Variants in CHCHD6 observed in about 807,000 individuals in gnomAD.
CHCHD6 encodes MICOS complex subunit MIC25.
Under a neutral mutation model 32.3 loss-of-function variants are expected in CHCHD6, and 28 were observed. The observed-to-expected ratio is 0.87, with a 90% CI of 0.64 to 1.19. CHCHD6 has a LOEUF of 1.19. Among genes scored for constraint, CHCHD6 ranks in the 50% most tolerant of loss-of-function variants. The probability of loss-of-function intolerance (pLI) is 0.00; values close to 1 mark genes in which losing one functional copy is unlikely to be tolerated. For missense variants in CHCHD6, 333 were observed against 307.0 expected (o/e 1.08, Z -0.63); for synonymous variants, 122 against 117.5 (o/e 1.04, Z -0.25).
chr3:126,864,980 CCA>C (rs1942215076), intron 5 of CHCHD6, among the ~76,000 whole-genome samples: 1 of 149,478 alleles, frequency 6.7e-6, no homozygotes, highest in African/African-American at 2.4e-5. Context: ...TCCATCATCA[CCA>C]CTACCACCAT....
intron 4 of CHCHD6, among the ~76,000 whole-genome samples, chr3:126,781,237 T>G (rs1937923777): frequency 6.6e-6 from 1 of 152,100 alleles, no homozygotes; most frequent in African/African-American, 2.4e-5. Flanking sequence ...ATGAACAGTG[T>G]CTACCCCAGG....
chr3:126,929,599 T>G (rs1334546832), intron 6 of CHCHD6, among the ~76,000 whole-genome samples: 1 of 152,088 alleles, frequency 6.6e-6, no homozygotes, highest in Non-Finnish European at 1.5e-5. Context: ...AGGGTCTCGC[T>G]CTGTCACCCA....
At chr3:126,731,685 T>A (rs572987331) in intron 3 of CHCHD6, among the ~76,000 whole-genome samples, 1 of 152,264 alleles carries the variant, frequency 6.6e-6, no homozygotes, top group East Asian at 1.9e-4. Flanking sequence ...GGTTGGGCGT[T>A]TGCCCTCTAG....
chr3:126,779,288 G>A (rs565757962), intron 4 of CHCHD6, among the ~76,000 whole-genome samples: 16 of 151,932 alleles, frequency 1.1e-4, no homozygotes, highest in African/African-American at 3.1e-4. Flanking sequence ...CCTGTAATCC[G>A]AGCACTTTGG....
chr3:126,871,718 T>C (rs1052464408), intron 5 of CHCHD6, among the ~76,000 whole-genome samples: 15 of 140,224 alleles, frequency 1.1e-4, no homozygotes, highest in Admixed American at 2.4e-4. Flanking sequence ...CAGGCTGGAG[T>C]GCAGTGGCGC....
chr3:126,725,880 A>G (rs1050798445), intron 1 of CHCHD6, among the ~76,000 whole-genome samples: 1 of 152,224 alleles, frequency 6.6e-6, no homozygotes, highest in Non-Finnish European at 1.5e-5. Context: ...TTGAAAAGAG[A>G]GAGAGCCTTG....
intron 6 of CHCHD6, among the ~76,000 whole-genome samples, chr3:126,917,460 C>A (rs150675154): frequency 6.6e-6 from 1 of 152,298 alleles, no homozygotes; most frequent in East Asian, 1.9e-4. Flanking sequence ...TCAGACCAGG[C>A]CTCAGACCTC....
chr3:126,747,024 T>C (rs1471819181), intron 4 of CHCHD6, among the ~76,000 whole-genome samples: 1 of 152,214 alleles, frequency 6.6e-6, no homozygotes, highest in African/African-American at 2.4e-5. Flanking sequence ...AGCTGAGTTG[T>C]CTGGCCCTGG....
At chr3:126,824,431 C>T (rs985530743) in intron 4 of CHCHD6, among the ~76,000 whole-genome samples, 6 of 150,750 alleles carry the variant, frequency 4.0e-5, no homozygotes, top group South Asian at 2.1e-4. Flanking sequence ...TGTGGTGGTG[C>T]GTGCCTGTAA....
chr3:126,750,692 C>T (rs1385551815), intron 4 of CHCHD6, among the ~76,000 whole-genome samples: 1 of 152,220 alleles, frequency 6.6e-6, no homozygotes, highest in South Asian at 2.1e-4. Flanking sequence ...CCCAAGCCTC[C>T]CTGTAAATGA....
rs1935195023 is a variant in CHCHD6, at chr3:126,719,858, C to G, written c.88-7220C>G. On this transcript the variant is annotated intron_variant, in intron 1 of 7. Coordinates refer to ENST00000290913, the MANE Select transcript of CHCHD6 (RefSeq NM_032343.3). ...ATGGGGTGCTTCCTCTGCTCCTTGC[C>G]TGGGCTGCACTATCAGAGTCTTCTT... Among the ~76,000 whole-genome samples the G allele has an allele frequency of 2.0e-5, 3 of 152,164 alleles. No individual in the cohort carries two copies. The South Asian group carries it at 6.2e-4, about 32-fold the overall frequency.
intron 6 of CHCHD6, among the ~76,000 whole-genome samples, chr3:126,944,765 A>G (rs547017869): frequency 5.3e-5 from 8 of 152,360 alleles, no homozygotes; most frequent in African/African-American, 1.9e-4. Context: ...ATGGGGGCAG[A>G]TTGGAGAAGG....
At chr3:126,866,963 T>G (rs1392289323) in intron 5 of CHCHD6, among the ~76,000 whole-genome samples, 1 of 152,198 alleles carries the variant, frequency 6.6e-6, no homozygotes, top group East Asian at 1.9e-4. Flanking sequence ...TTTTTGTTTG[T>G]TTTTGGTGTA....
intron 4 of CHCHD6, among the ~76,000 whole-genome samples, chr3:126,759,063 C>G (rs1487261204): frequency 6.6e-6 from 1 of 152,202 alleles, no homozygotes; most frequent in Non-Finnish European, 1.5e-5. Flanking sequence ...TCTCGCCAGT[C>G]CAGCCCTGCG....
intron 4 of CHCHD6, among the ~76,000 whole-genome samples, chr3:126,742,170 G>A (rs565314006): frequency 2.6e-5 from 4 of 152,298 alleles, no homozygotes; most frequent in South Asian, 2.1e-4. Context: ...AGGTGATACC[G>A]AGTGGCACTC....
At chr3:126,864,874 T>TCCTCCTCCTCCACCATCA (rs1942200732) in intron 5 of CHCHD6, among the ~76,000 whole-genome samples, 2 of 111,554 alleles carry the variant, frequency 1.8e-5, no homozygotes, top group African/African-American at 1.0e-4. Context: ...CACCATCATC[T>TCCTCCTCCTCCACCATCA]CCTCCTCCTC....
At chr3:126,902,421 A>T (rs1333429692) in intron 5 of CHCHD6, among the ~76,000 whole-genome samples, 2 of 152,150 alleles carry the variant, frequency 1.3e-5, no homozygotes, top group Non-Finnish European at 2.9e-5. Context: ...TCAGATTTTT[A>T]AAAAATCAAT....
chr3:126,904,086 G>A (rs1382807697), intron 5 of CHCHD6, among the ~76,000 whole-genome samples: 2 of 152,134 alleles, frequency 1.3e-5, no homozygotes, highest in Non-Finnish European at 2.9e-5. Flanking sequence ...AGTTTTTCTT[G>A]AATAATCACA....
intron 6 of CHCHD6, among the ~76,000 whole-genome samples, chr3:126,951,712 G>A (rs1254830946): frequency 6.6e-6 from 1 of 152,230 alleles, no homozygotes; most frequent in African/African-American, 2.4e-5. Flanking sequence ...TCATCCAGCT[G>A]GGGATGGGCT....
Sources: gnomAD v4.1 joint callset for allele counts (sites outside exome capture counted in the v4.1 genomes callset) on GRCh38, gnomAD v4.1.1 for gene constraint, MANE v1.5 for transcripts, NCBI Gene and HGNC (gene_info 2026-07-23, HGNC 2026-07-21) for gene names.